MICU2: variants seen among roughly 807,000 people sequenced by gnomAD.
The protein encoded by MICU2 is calcium uptake protein 2, mitochondrial.
Under a neutral mutation model 60.4 loss-of-function variants are expected in MICU2, and 64 were observed. The ratio of observed to expected loss-of-function variants is 1.06; its 90% CI spans 0.87 to 1.31. The LOEUF is 1.31. Ranked by LOEUF, MICU2 falls within the 50% of genes most tolerant of loss-of-function variation. The pLI is 0.00. For missense variants in MICU2, 569 were observed against 531.0 expected, an observed-to-expected ratio of 1.07 and a Z score of -0.70; for synonymous variants, 201 against 175.0, an observed-to-expected ratio of 1.15 and a Z score of -1.17.
At chr13:21,571,197 T>A (rs1888099433) in intron 1 of MICU2, among the ~76,000 whole-genome samples, 1 of 152,140 alleles carries the variant, frequency 6.6e-6, no homozygotes, top group Non-Finnish European at 1.5e-5. Flanking sequence ...CACTGTGGCA[T>A]ATTCGTGGTA....
intron 2 of MICU2, among the ~76,000 whole-genome samples, chr13:21,556,684 T>TA (rs1712436366): frequency 3.3e-5 from 5 of 152,070 alleles, no homozygotes; most frequent in Admixed American, 3.3e-4. Context: ...CCAGGAAGCA[T>TA]GTAGGCAAGT....
At chr13:21,599,691 G>C (rs1888773124) in intron 1 of MICU2, among the ~76,000 whole-genome samples, 1 of 152,134 alleles carries the variant, frequency 6.6e-6, no homozygotes, top group Non-Finnish European at 1.5e-5. Flanking sequence ...ACTCTCTCCT[G>C]AATTATTGCA....
At chr13:21,504,710 T>C (rs925557000) in intron 8 of MICU2, among the ~76,000 whole-genome samples, 3 of 152,212 alleles carry the variant, frequency 2.0e-5, no homozygotes, top group African/African-American at 7.2e-5. Flanking sequence ...AGATCTGTTT[T>C]TCCTTATTGG....
At chr13:21,578,211 T>A (rs1418583368) in intron 1 of MICU2, among the ~76,000 whole-genome samples, 1 of 152,238 alleles carries the variant, frequency 6.6e-6, no homozygotes, top group African/African-American at 2.4e-5. Context: ...GTATCCCCAG[T>A]GCCTAGTGCA....
At chr13:21,597,685 A>AT (rs1000565205) in intron 1 of MICU2, among the ~76,000 whole-genome samples, 24 of 152,170 alleles carry the variant, frequency 1.6e-4, no homozygotes, top group African/African-American at 4.6e-4. Context: ...CCCAGCAGGG[A>AT]TTTTGGGAGG....
At chr13:21,493,377 A>G (rs780421467) in intron 11 of MICU2, 24 bp from the exon 12 acceptor site, 1 of 1,523,134 alleles carries the variant, frequency 6.6e-7, no homozygotes, top group South Asian at 1.2e-5. Flanking sequence ...GTAAAAATCA[A>G]GGGGTCATTG....
At chr13:21,585,120 A>C (rs1888430115) in intron 1 of MICU2, among the ~76,000 whole-genome samples, 1 of 152,232 alleles carries the variant, frequency 6.6e-6, no homozygotes, top group South Asian at 2.1e-4. Flanking sequence ...TCATTCATGC[A>C]GGACAAACAG....
At chr13:21,499,955 A>C (rs745858194) in intron 9 of MICU2, among the ~76,000 whole-genome samples, 5 of 152,164 alleles carry the variant, frequency 3.3e-5, no homozygotes, top group Non-Finnish European at 5.9e-5. Context: ...TATAGCGGAC[A>C]GCACTGTTCC....
chr13:21,582,617 AC>A (rs1888371136), intron 1 of MICU2, among the ~76,000 whole-genome samples: 1 of 152,054 alleles, frequency 6.6e-6, no homozygotes. Flanking sequence ...TTCTAAAACA[AC>A]CTTTTTCGAT....
At position 21,538,717 on chromosome 13, in the gene MICU2, T is replaced by A. The variant is rs182624489; in HGVS notation, c.466+585A>T. On this transcript the variant is annotated intron_variant, in intron 4 of 11. Coordinates refer to ENST00000382374, the MANE Select transcript of MICU2 (RefSeq NM_152726.3). ...TAAATGGGAGGATGTTTGTAGGTTATACGCAAATATGATGCCATTTTATAT... is the reference window on the plus strand; with the variant it reads ...TAAATGGGAGGATGTTTGTAGGTTAAACGCAAATATGATGCCATTTTATAT... Among the ~76,000 whole-genome samples, 264 of 152,284 alleles carry A rather than the reference T, an allele frequency of 1.7e-3. 1 individual carries two copies. Among genetic ancestry groups the A allele is most frequent in the African/African-American group, 6.2e-3 (257 of 41,548 alleles).
intron 2 of MICU2, among the ~76,000 whole-genome samples, chr13:21,559,506 C>T (rs1463644371): frequency 1.3e-5 from 2 of 150,598 alleles, no homozygotes; most frequent in Admixed American, 1.3e-4. Context: ...AGTTGTTTTC[C>T]AAAGTAGGAG....
chr13:21,522,763 CT>C, intron 4 of MICU2, 113 bp from the exon 5 acceptor site: 1 of 689,678 alleles, frequency 1.4e-6, no homozygotes. Context: ...TAAATTACCT[CT>C]CTTTGATACA....
intron 1 of MICU2, among the ~76,000 whole-genome samples, chr13:21,590,049 C>G (rs1888546711): frequency 6.6e-6 from 1 of 152,146 alleles, no homozygotes; most frequent in Non-Finnish European, 1.5e-5. Flanking sequence ...ATATATAACA[C>G]TAGCAAGACA....
chr13:21,499,862 C>G (rs1886100816), intron 9 of MICU2, among the ~76,000 whole-genome samples: 1 of 152,070 alleles, frequency 6.6e-6, no homozygotes, highest in Admixed American at 6.6e-5. Context: ...CCCATCTCTA[C>G]TAAACATACA....
chr13:21,587,450 G>A (rs993011364), intron 1 of MICU2, among the ~76,000 whole-genome samples: 2 of 152,206 alleles, frequency 1.3e-5, no homozygotes, highest in Non-Finnish European at 2.9e-5. Flanking sequence ...ATGATGCACT[G>A]AAAAGGACAC....
At chr13:21,580,090 C>T (rs1259964182) in intron 1 of MICU2, among the ~76,000 whole-genome samples, 3 of 152,206 alleles carry the variant, frequency 2.0e-5, no homozygotes, top group Admixed American at 6.5e-5. Flanking sequence ...ACTGCCTCTA[C>T]CCATTTTTCT....
At chr13:21,525,181 ATTTTTTTT>A (rs71093324) in intron 4 of MICU2, among the ~76,000 whole-genome samples, 8 of 83,306 alleles carry the variant, frequency 9.6e-5, no homozygotes, top group South Asian at 5.6e-4. Flanking sequence ...GTGTAATTCA[ATTTTTTTT>A]TTTTTTTTTT....
chr13:21,551,120 C>A (rs1197003734), intron 2 of MICU2, among the ~76,000 whole-genome samples: 1 of 152,190 alleles, frequency 6.6e-6, no homozygotes, highest in Non-Finnish European at 1.5e-5. Context: ...CAGAACTGTT[C>A]CCTTGTGTAC....
chr13:21,562,367 CA>C (rs1887867727), intron 2 of MICU2, among the ~76,000 whole-genome samples: 1 of 152,160 alleles, frequency 6.6e-6, no homozygotes, highest in South Asian at 2.1e-4. Context: ...GCATAAAATA[CA>C]TATCTACAGT....
Sources: gnomAD v4.1 joint callset for allele counts (sites outside exome capture counted in the v4.1 genomes callset) on GRCh38, gnomAD v4.1.1 for gene constraint, MANE v1.5 for transcripts, NCBI Gene and HGNC (gene_info 2026-07-23, HGNC 2026-07-21) for gene names.